The following SLC35D2 variants were observed in gnomAD, a reference collection of about 807,000 sequenced individuals.
SLC35D2 encodes the protein solute carrier family 35 member D2.
Under a neutral mutation model 41.8 loss-of-function variants are expected in SLC35D2, and 43 were observed. The observed-to-expected ratio is 1.03, with a 90% CI of 0.81 to 1.33. The LOEUF (loss-of-function observed/expected upper bound fraction) is 1.33, where lower values mean the gene tolerates loss of function less well. Among genes scored for constraint, SLC35D2 ranks in the 40% most tolerant of loss-of-function variants. The pLI is 0.00. For missense variants in SLC35D2, 380 were observed against 408.4 expected (o/e 0.93, Z 0.60); for synonymous variants, 150 against 163.9 (o/e 0.92, Z 0.65).
At chr9:96,379,914 T>C (rs1161031892) in intron 1 of SLC35D2, among the ~76,000 whole-genome samples, 3 of 151,570 alleles carry the variant, frequency 2.0e-5, no homozygotes, top group African/African-American at 4.9e-5. Context: ...TTTTTTTTTT[T>C]TGAGACAGAG....
rs915426813 is a variant in SLC35D2, at chr9:96,320,963, T to C, written c.*279A>G. The C allele has an allele frequency of 3.1e-5, 10 of 319,360 alleles. No homozygotes were observed. The highest frequency in any genetic ancestry group is 1.5e-4 in the African/African-American group (7 of 46,054). 19.8% of individuals were successfully genotyped at this position (319,360 alleles called of 1,614,324 possible). ...GCACAGAGATGCCACGAAGGCCCCA[T>C]AGGTCCCTAGAAGAGCAGCTGGGGC... On this transcript the variant is annotated 3_prime_UTR_variant, in exon 12 of 12. Coordinates refer to ENST00000253270, the MANE Select transcript of SLC35D2 (RefSeq NM_007001.3).
chr9:96,367,431 A>G (rs1421603825), intron 2 of SLC35D2, among the ~76,000 whole-genome samples: 1 of 152,174 alleles, frequency 6.6e-6, no homozygotes, highest in Non-Finnish European at 1.5e-5. Context: ...AACCACAAGA[A>G]TAAACAAGCC....
At chr9:96,362,692 C>G (rs1357756062) in intron 3 of SLC35D2, among the ~76,000 whole-genome samples, 1 of 151,910 alleles carries the variant, frequency 6.6e-6, no homozygotes, top group Non-Finnish European at 1.5e-5. Flanking sequence ...AAATAGGATG[C>G]CTTTTTCACT....
intron 4 of SLC35D2, among the ~76,000 whole-genome samples, chr9:96,354,543 G>C (rs1829938879): frequency 6.6e-6 from 1 of 152,166 alleles, no homozygotes; most frequent in Non-Finnish European, 1.5e-5. Context: ...AAGGTGGGTG[G>C]ATGAATTGAG....
chr9:96,364,959 A>T lies in SLC35D2; in HGVS notation c.193-409T>A, dbSNP rs544560584. On this transcript the variant is annotated intron_variant, in intron 2 of 11. Coordinates refer to ENST00000253270, the MANE Select transcript of SLC35D2 (RefSeq NM_007001.3). ...CAGCTACTCAGGAGGCTGAGGCAGG[A>T]GAATCGCTTGAACCTGAGAGGCCAA... Among the ~76,000 whole-genome samples the T allele has an allele frequency of 4.0e-5, 6 of 149,880 alleles. No individual in the cohort carries two copies. In the South Asian group the frequency reaches 1.3e-3, roughly 32 times the overall value.
intron 4 of SLC35D2, among the ~76,000 whole-genome samples, chr9:96,353,479 G>A (rs1829897503): frequency 6.6e-6 from 1 of 151,858 alleles, no homozygotes; most frequent in Non-Finnish European, 1.5e-5. Context: ...TCAGCCTCTC[G>A]GGTAGCTGGG....
intron 9 of SLC35D2, among the ~76,000 whole-genome samples, chr9:96,325,786 A>C (rs1273498481): frequency 6.6e-6 from 1 of 152,206 alleles, no homozygotes; most frequent in South Asian, 2.1e-4. Flanking sequence ...CACTTGGGTA[A>C]GCACAGAATT....
chr9:96,328,420 C>G lies in SLC35D2; in HGVS notation c.753-4251G>C, dbSNP rs547496444. 4.1e-4 allele frequency among the ~76,000 whole-genome samples: 62 copies of G among 152,230 alleles called. 1 individual carries two copies. Among genetic ancestry groups the G allele is most frequent in the African/African-American group, 1.5e-3 (61 of 41,534 alleles). On this transcript the variant is annotated intron_variant, in intron 9 of 11. Transcript: ENST00000253270. Reference sequence around the variant, plus strand: ...TGTGAGCCACCACGCCCAGCGTGCTCTGTATTTTGAAGTCATGATATTATC... The same window carrying G: ...TGTGAGCCACCACGCCCAGCGTGCTGTGTATTTTGAAGTCATGATATTATC...
intron 3 of SLC35D2, among the ~76,000 whole-genome samples, chr9:96,364,071 T>C (rs1830386649): frequency 6.6e-6 from 1 of 152,194 alleles, no homozygotes; most frequent in Non-Finnish European, 1.5e-5. Flanking sequence ...ATCCGAGCAC[T>C]TTGGGAGGCT....
At chr9:96,326,087 T>C (rs931622709) in intron 9 of SLC35D2, among the ~76,000 whole-genome samples, 1 of 152,246 alleles carries the variant, frequency 6.6e-6, no homozygotes, top group African/African-American at 2.4e-5. Context: ...AAATATATAA[T>C]TGATATTAGA....
At chr9:96,383,452 C>A in intron 1 of SLC35D2, 25 bp downstream of exon 1, 1 of 1,513,276 alleles carries the variant, frequency 6.6e-7, no homozygotes, top group Non-Finnish European at 8.9e-7. Flanking sequence ...TCCCGCAGAC[C>A]CCCCGGCCCC....
rs374429775 is a variant in SLC35D2 at position 96,345,743 on chromosome 9, C to T, written c.489-342G>A. ...TGATTCGCCCCGATCCACCCAGGGG[C>T]TCTGCTTATTGTAGTGAACAGGGCC... On this transcript the variant is annotated intron_variant, in intron 6 of 11. Coordinates refer to ENST00000253270, the MANE Select transcript of SLC35D2 (RefSeq NM_007001.3). Among the ~76,000 whole-genome samples the T allele has an allele frequency of 5.9e-4, 90 of 152,296 alleles. No individual in the cohort carries two copies. In the South Asian group the frequency reaches 0.018, roughly 30 times the overall value.
chr9:96,383,346 G>C, intron 1 of SLC35D2, 131 bp downstream of exon 1: 1 of 568,522 alleles, frequency 1.8e-6, no homozygotes, highest in Non-Finnish European at 2.7e-6. Flanking sequence ...TGGGAAACTC[G>C]ACCAATGTGC....
chr9:96,322,075 T>C lies in SLC35D2; in HGVS notation c.837A>G (p.Val279=). ...TTAATATCCCAATGTAGGCAACGGATACATTCTGCAGAAAAAGAGAGAGGA... is the reference window on the plus strand; with the variant it reads ...TTAATATCCCAATGTAGGCAACGGACACATTCTGCAGAAAAAGAGAGAGGA... ...TTAVVGAIKN[V]SVAYIGILIG... The change falls in exon 11 of 12, where the codon GTA becomes GTG. Residue 279 remains valine, a synonymous_variant. Coordinates refer to ENST00000253270, the MANE Select transcript of SLC35D2 (RefSeq NM_007001.3). 1 of 1,591,990 alleles carries C rather than the reference T, an allele frequency of 6.3e-7. No individual in the cohort carries two copies. The highest frequency in any genetic ancestry group is 8.6e-7 in the Non-Finnish European group (1 of 1,161,706).
chr9:96,382,275 T>C (rs1831225707), intron 1 of SLC35D2, among the ~76,000 whole-genome samples: 1 of 151,452 alleles, frequency 6.6e-6, no homozygotes, highest in Non-Finnish European at 1.5e-5. Context: ...GGAAACACAC[T>C]GAGACCCCAC....
chr9:96,355,872 A>G (rs1353832153), intron 4 of SLC35D2, among the ~76,000 whole-genome samples: 1 of 152,238 alleles, frequency 6.6e-6, no homozygotes, highest in Non-Finnish European at 1.5e-5. Context: ...ATGTTCATGG[A>G]TCAAAAGACC....
At chr9:96,314,344 G>C (rs567505451) in exon 12 of SLC35D2, 2 of 152,224 alleles carry the variant, frequency 1.3e-5, no homozygotes, top group African/African-American at 4.8e-5. Flanking sequence ...CAACCCAAAT[G>C]CCCATCTATG....
chr9:96,326,722 C>T (rs549433261), intron 9 of SLC35D2, among the ~76,000 whole-genome samples: 47 of 150,814 alleles, frequency 3.1e-4, no homozygotes, highest in African/African-American at 1.1e-3. Context: ...AGGAGAATTG[C>T]TTGAGCCTGA....
chr9:96,344,624 G>T (rs1357214967), intron 7 of SLC35D2, among the ~76,000 whole-genome samples: 1 of 146,168 alleles, frequency 6.8e-6, no homozygotes, highest in Non-Finnish European at 1.5e-5. Context: ...AAGCCTGTTG[G>T]TCAGAGTGAA....
Sources: allele counts gnomAD v4.1 joint callset (sites outside exome capture counted in the v4.1 genomes callset), GRCh38; gene constraint gnomAD v4.1.1; transcripts MANE v1.5; gene names NCBI Gene and HGNC (gene_info 2026-07-23, HGNC 2026-07-21).